Variants in GALNT14 observed in about 807,000 individuals in gnomAD.
GALNT14 encodes the protein polypeptide N-acetylgalactosaminyltransferase 14, also known as UDP-GalNAc:polypeptide N-acetylgalactosaminyltransferase 14.
A neutral mutation model predicts 77.5 loss-of-function variants in GALNT14; 60 were observed. That is an observed-to-expected ratio of 0.77 (90% CI 0.63 to 0.96). GALNT14 has a LOEUF of 0.96. GALNT14 is among the 40% of genes least tolerant of loss of function. The pLI is 0.00. For missense variants in GALNT14, 710 were observed against 731.0 expected, an observed-to-expected ratio of 0.97 and a Z score of 0.33; for synonymous variants, 280 against 281.7, an observed-to-expected ratio of 0.99 and a Z score of 0.06.
At chr2:30,969,765 G>A (rs980554707) in intron 2 of GALNT14, among the ~76,000 whole-genome samples, 3 of 152,128 alleles carry the variant, frequency 2.0e-5, no homozygotes, top group Non-Finnish European at 4.4e-5. Flanking sequence ...CTGTGGGTAC[G>A]TGAGCCAATC....
intron 10 of GALNT14, among the ~76,000 whole-genome samples, chr2:30,930,824 A>G (rs1265443787): frequency 1.3e-5 from 2 of 152,246 alleles, no homozygotes; most frequent in Non-Finnish European, 2.9e-5. Flanking sequence ...TGACCTAGCC[A>G]TTAGCACATT....
At chr2:31,010,564 G>A (rs563891013) in intron 1 of GALNT14, among the ~76,000 whole-genome samples, 11 of 152,302 alleles carry the variant, frequency 7.2e-5, no homozygotes, top group African/African-American at 2.2e-4. Context: ...GCAGTGAGCC[G>A]GGATTGCGCC....
At chr2:31,032,015 T>G (rs1672444860) in intron 1 of GALNT14, among the ~76,000 whole-genome samples, 1 of 152,198 alleles carries the variant, frequency 6.6e-6, no homozygotes, top group African/African-American at 2.4e-5. Context: ...CTGCCTCCAC[T>G]TGGAAGGAGG....
chr2:30,993,321 A>G lies in GALNT14; in HGVS notation c.130-314T>C, dbSNP rs1003901842. Reference sequence around the variant, plus strand: ...TGTGCATACCCTTATTATACAGATGAGATAACAGCCTGGAGAGGTAAGTAC... The same window carrying G: ...TGTGCATACCCTTATTATACAGATGGGATAACAGCCTGGAGAGGTAAGTAC... On this transcript the variant is annotated intron_variant, in intron 1 of 14. Transcript: ENST00000349752. 2.0e-5 allele frequency among the ~76,000 whole-genome samples: 3 copies of G among 152,220 alleles called. No homozygotes were observed. In the East Asian group the frequency reaches 5.8e-4, roughly 29 times the overall value.
the GALNT14 span, among the ~76,000 whole-genome samples, chr2:30,897,714 C>A: frequency 6.6e-6 from 1 of 152,192 alleles, no homozygotes; most frequent in Non-Finnish European, 1.5e-5. Context: ...GGCCGGGACC[C>A]GTTTCCTGTG....
chr2:31,078,695 A>C (rs980126060), intron 1 of GALNT14, among the ~76,000 whole-genome samples: 1 of 152,210 alleles, frequency 6.6e-6, no homozygotes, highest in African/African-American at 2.4e-5. Flanking sequence ...CCCCGGGGCC[A>C]CACCGCATGC....
At chr2:30,933,495 C>A (rs1426651992) in intron 9 of GALNT14, among the ~76,000 whole-genome samples, 1 of 152,202 alleles carries the variant, frequency 6.6e-6, no homozygotes, top group Non-Finnish European at 1.5e-5. Context: ...TGTCACCTAC[C>A]TGTCTCCTCC....
chr2:31,045,077 C>T (rs1373881297), intron 1 of GALNT14, among the ~76,000 whole-genome samples: 1 of 152,090 alleles, frequency 6.6e-6, no homozygotes, highest in South Asian at 2.1e-4. Flanking sequence ...ATAAGGGGTA[C>T]AGAAGAATGA....
rs549336120 is a variant in GALNT14 at position 31,138,158 on chromosome 2, G to A, written c.-72C>T. On this transcript the variant is annotated 5_prime_UTR_variant, in exon 1 of 15. Coordinates refer to ENST00000349752, the MANE Select transcript of GALNT14 (RefSeq NM_024572.4). ...CCCCCCGGCGGTCAGGGTTGGCGGG[G>A]CAGGAGTCCTGGCGAGCGCCTCGCT... is the stretch of plus-strand genomic sequence containing the variant. The A allele has an allele frequency of 1.1e-5, 18 of 1,600,870 alleles. No homozygotes were observed. In the South Asian group the frequency reaches 1.8e-4, roughly 16 times the overall value.
intron 1 of GALNT14, among the ~76,000 whole-genome samples, chr2:31,038,751 T>TC (rs1179150571): frequency 6.6e-6 from 1 of 151,640 alleles, no homozygotes; most frequent in East Asian, 1.9e-4. Context: ...TCAGCAATTT[T>TC]TTTTTTTTTT....
intron 2 of GALNT14, among the ~76,000 whole-genome samples, chr2:30,984,396 T>C (rs567974057): frequency 2.0e-4 from 30 of 152,332 alleles, no homozygotes; most frequent in African/African-American, 5.8e-4. Flanking sequence ...CTACTGGCCA[T>C]GGTGCTGGCC....
chr2:30,988,530 G>A (rs1230067480), intron 2 of GALNT14, among the ~76,000 whole-genome samples: 1 of 152,200 alleles, frequency 6.6e-6, no homozygotes, highest in Non-Finnish European at 1.5e-5. Context: ...CGCAGAGCCC[G>A]AGACAGAAGT....
intron 9 of GALNT14, among the ~76,000 whole-genome samples, chr2:30,941,640 T>C (rs190047333): frequency 6.6e-6 from 1 of 152,274 alleles, no homozygotes; most frequent in East Asian, 1.9e-4. Context: ...TTGGGTCCTA[T>C]AACCCAGCCC....
At chr2:30,947,886 C>T (rs1666795344) in intron 6 of GALNT14, among the ~76,000 whole-genome samples, 1 of 152,160 alleles carries the variant, frequency 6.6e-6, no homozygotes, top group Admixed American at 6.5e-5. Flanking sequence ...ACCAATTGGC[C>T]CACATGGAAA....
chr2:30,988,126 G>C (rs1025168872), intron 2 of GALNT14, among the ~76,000 whole-genome samples: 4 of 152,190 alleles, frequency 2.6e-5, no homozygotes, highest in Admixed American at 2.0e-4. Flanking sequence ...AGGTGGGAGA[G>C]GGTGGTCAAT....
chr2:31,050,058 C>G (rs1313999647), intron 1 of GALNT14, among the ~76,000 whole-genome samples: 1 of 152,054 alleles, frequency 6.6e-6, no homozygotes, highest in Non-Finnish European at 1.5e-5. Flanking sequence ...AGCTTGTATA[C>G]CATGTCCTGG....
At chr2:30,934,633 C>G (rs868036732) in intron 9 of GALNT14, among the ~76,000 whole-genome samples, 1 of 152,046 alleles carries the variant, frequency 6.6e-6, no homozygotes, top group South Asian at 2.1e-4. Flanking sequence ...AATCTACTGA[C>G]CCCTCCCTTC....
At chr2:30,977,818 C>A (rs1646870134) in intron 2 of GALNT14, among the ~76,000 whole-genome samples, 1 of 152,152 alleles carries the variant, frequency 6.6e-6, no homozygotes, top group African/African-American at 2.4e-5. Context: ...ACAGTCAATC[C>A]ACCCCTGAGC....
At chr2:30,912,196 C>T (rs1433995178) in intron 14 of GALNT14, 27 bp downstream of exon 14, 1 of 1,612,752 alleles carries the variant, frequency 6.2e-7, no homozygotes, top group Admixed American at 1.7e-5. Flanking sequence ...GAGTTGGCCA[C>T]ATCCCAGGGA....
Sources: allele counts gnomAD v4.1 joint callset (sites outside exome capture counted in the v4.1 genomes callset), GRCh38; gene constraint gnomAD v4.1.1; transcripts MANE v1.5; gene names NCBI Gene and HGNC (gene_info 2026-07-23, HGNC 2026-07-21).